The following HSPG2 variants were observed in gnomAD, a reference collection of about 807,000 sequenced individuals.
HSPG2 encodes the protein heparan sulfate proteoglycan 2.
A neutral mutation model predicts 526.6 loss-of-function variants in HSPG2; 278 were observed. The ratio of observed to expected loss-of-function variants is 0.53; its 90% CI spans 0.48 to 0.58. The LOEUF is 0.58. HSPG2 is among the 20% of genes least tolerant of loss of function. HSPG2 has a pLI of 0.00. For missense variants in HSPG2, 5,354 were observed against 6,099.5 expected (o/e 0.88, Z 4.07); for synonymous variants, 2,465 against 2,555.4 (o/e 0.96, Z 1.07).
At chr1:21,875,516 A>G in intron 25 of HSPG2, 113 bp downstream of exon 25, 6 of 826,826 alleles carry the variant, frequency 7.3e-6, no homozygotes, top group Non-Finnish European at 1.2e-5. Context: ...ACAGACAGGG[A>G]AAGTGAGGCA....
At chr1:21,923,830 T>C (rs996474386) in intron 1 of HSPG2, among the ~76,000 whole-genome samples, 12 of 152,232 alleles carry the variant, frequency 7.9e-5, no homozygotes, top group Admixed American at 2.0e-4. Flanking sequence ...CGCATACCGC[T>C]GTCACTCCGA....
intron 63 of HSPG2, 59 bp downstream of exon 63, chr1:21,846,389 A>C: frequency 6.2e-7 from 1 of 1,611,792 alleles, no homozygotes; most frequent in Non-Finnish European, 8.5e-7. Flanking sequence ...CCTCTTGGCA[A>C]AGCTAGCCAG....
chr1:21,878,074 G>A, intron 21 of HSPG2, 112 bp downstream of exon 21: 1 of 1,004,600 alleles, frequency 1.0e-6, no homozygotes, highest in African/African-American at 1.6e-5. Flanking sequence ...CTCTGACTGG[G>A]TTACCACCCA....
intron 1 of HSPG2, among the ~76,000 whole-genome samples, chr1:21,897,012 C>T (rs531548659): frequency 6.6e-6 from 1 of 152,254 alleles, no homozygotes; most frequent in African/African-American, 2.4e-5. Flanking sequence ...AGGCTGCTGC[C>T]GAGCCCAGGA....
At chr1:21,908,571 C>A in intron 1 of HSPG2, 1 of 751,452 alleles carries the variant, frequency 1.3e-6, no homozygotes, top group Non-Finnish European at 2.4e-6. Context: ...TCTATGAATT[C>A]ACGGCATAAT....
At position 21,824,041 on chromosome 1, in the gene HSPG2, C is replaced by T; in HGVS notation, c.12899+80G>A. On this transcript the variant is annotated intron_variant, in intron 95 of 96. Coordinates refer to ENST00000374695, the MANE Select transcript of HSPG2 (RefSeq NM_005529.7). The surrounding 1 kb of genome is among the most constrained non-coding windows in gnomAD (Gnocchi z 5.9). ...TGTCTCCACAGAGCTCAATACCTGC[C>T]TCTCTGCCCATGGTAGGGGGCGTCC... 5 of 1,312,838 alleles carry T rather than the reference C, an allele frequency of 3.8e-6. No individual in the cohort carries two copies. The highest frequency in any genetic ancestry group is 5.4e-6 in the Non-Finnish European group (5 of 926,434). The allele number at this position is 1,312,838 out of a possible 1,614,324, so 81.3% of individuals were successfully genotyped here.
chr1:21,859,872 C>T lies in HSPG2; in HGVS notation c.5145G>A (p.Gly1715=). ...GCTGGGTGCCGCTGGGCACAGGCCG[C>T]CCATCCTCACGGGACCAATAGAAGT... ...PHYFYWSRED[G]RPVPSGTQQR... is the part of the protein sequence containing the mutation. Residue 1715 remains glycine, a synonymous_variant, in exon 41 of 97, where the codon GGG becomes GGA. Transcript: ENST00000374695. The surrounding 1 kb of genome is among the most constrained non-coding windows in gnomAD (Gnocchi z 5.3). 6.2e-7 allele frequency: 1 copy of T among 1,611,378 alleles called. No homozygotes were observed.
At chr1:21,897,617 G>C (rs1449059202) in intron 1 of HSPG2, among the ~76,000 whole-genome samples, 1 of 152,190 alleles carries the variant, frequency 6.6e-6, no homozygotes, top group Non-Finnish European at 1.5e-5. Context: ...TCAAACCACT[G>C]ATTGATAGGT....
chr1:21,885,562 G>T, intron 9 of HSPG2, 111 bp from the exon 10 acceptor site: 1 of 1,253,714 alleles, frequency 8.0e-7, no homozygotes, highest in Non-Finnish European at 1.1e-6. Flanking sequence ...CCCTCGCCAT[G>T]CCTAGCCCCT....
chr1:21,934,946 A>T (rs1470317092), intron 1 of HSPG2, among the ~76,000 whole-genome samples: 2 of 127,894 alleles, frequency 1.6e-5, no homozygotes, highest in East Asian at 4.8e-4. Flanking sequence ...TCACTCTGTC[A>T]CCCAGGCTGG....
chr1:21,889,942 G>A (rs1446167286), intron 6 of HSPG2, 39 bp downstream of exon 6: 1 of 1,612,374 alleles, frequency 6.2e-7, no homozygotes, highest in Admixed American at 1.7e-5. Flanking sequence ...GACCCCACGA[G>A]TCTGGAGGAG....
chr1:21,837,866 TG>T (rs1199145139), intron 74 of HSPG2, among the ~76,000 whole-genome samples: 2 of 152,110 alleles, frequency 1.3e-5, no homozygotes, highest in African/African-American at 4.8e-5. Context: ...ACGAGTGCAG[TG>T]GCTCACGCCG....
At chr1:21,920,396 C>T (rs895278662) in intron 1 of HSPG2, among the ~76,000 whole-genome samples, 3 of 152,202 alleles carry the variant, frequency 2.0e-5, no homozygotes, top group Non-Finnish European at 4.4e-5. Context: ...GCTGAAGACA[C>T]CCCAGCTCTG....
At chr1:21,846,638 T>C in intron 62 of HSPG2, 39 bp from the exon 63 acceptor site, 1 of 1,612,674 alleles carries the variant, frequency 6.2e-7, no homozygotes, top group Non-Finnish European at 8.5e-7. Flanking sequence ...ACAGCCGTTG[T>C]CAGATTTGGG....
At chr1:21,900,250 G>A (rs1643021180) in intron 1 of HSPG2, among the ~76,000 whole-genome samples, 1 of 152,218 alleles carries the variant, frequency 6.6e-6, no homozygotes, top group Non-Finnish European at 1.5e-5. Flanking sequence ...GCAGTTCCTG[G>A]TTTGGCGGTG....
In HSPG2 at chr1:21,848,411, G is replaced by A. The variant is rs937816832; in HGVS notation, c.7737+232C>T. Reference sequence around the variant, plus strand: ...TCTGGAATCTTCAGTGTCAGGCACAGGACATGGCCCGGAGCAGCTTTTCAG... The same window carrying A: ...TCTGGAATCTTCAGTGTCAGGCACAAGACATGGCCCGGAGCAGCTTTTCAG... On this transcript the variant is annotated intron_variant, in intron 59 of 96. Coordinates refer to ENST00000374695, the MANE Select transcript of HSPG2 (RefSeq NM_005529.7). This position sits in a 1 kb window ranked among gnomAD's most constrained non-coding sequence, Gnocchi z 4.9. 5.3e-5 allele frequency among the ~76,000 whole-genome samples: 8 copies of A among 152,208 alleles called. No individual in the cohort carries two copies. Among genetic ancestry groups the A allele is most frequent in the African/African-American group, 1.7e-4 (7 of 41,458 alleles).
chr1:21,877,624 A>C (rs1641184025), intron 21 of HSPG2: 1 of 155,000 alleles, frequency 6.5e-6, no homozygotes, highest in Non-Finnish European at 1.4e-5. Flanking sequence ...CAGCCTCCTG[A>C]GTAGCTGGGA....
chr1:21,854,233 A>G lies in HSPG2; in HGVS notation c.6399T>C (p.Ser2133=). 2 of 1,597,068 alleles carry G rather than the reference A, an allele frequency of 1.3e-6. No individual in the cohort carries two copies. Among genetic ancestry groups the G allele is most frequent in the Non-Finnish European group, 1.7e-6 (2 of 1,171,518 alleles). Residue 2133 remains serine (S), a synonymous_variant, in exon 50 of 97, where the codon TCT becomes TCC. Transcript: ENST00000374695. ...SGPKEASITV[S]VLHGTHSGPS... Reference sequence around the variant, plus strand: ...GGCCAGAATGGGTGCCGTGGAGCACAGACACAGTAATGGAGGCCTCCTTGG... The same window carrying G: ...GGCCAGAATGGGTGCCGTGGAGCACGGACACAGTAATGGAGGCCTCCTTGG...
rs777435274 is a variant in HSPG2 at position 21,847,519 on chromosome 1, G to A, written c.8026-27C>T. The A allele has an allele frequency of 1.1e-5, 18 of 1,613,358 alleles. No homozygotes were observed. The South Asian group carries it at 1.8e-4, about 16-fold the overall frequency. On this transcript the variant is annotated intron_variant, in intron 61 of 96. Coordinates refer to ENST00000374695, the MANE Select transcript of HSPG2 (RefSeq NM_005529.7). This position sits in a 1 kb window ranked among gnomAD's most constrained non-coding sequence, Gnocchi z 4.1. The stretch of plus-strand genomic sequence containing the variant: ...TGGACGTGCGGATGGGGAAGGAGAG[G>A]GAGAGGGAGTGGAGGGACGCTGGGG...
Sources: gnomAD v4.1 joint callset for allele counts (sites outside exome capture counted in the v4.1 genomes callset) on GRCh38, gnomAD v4.1.1 for gene constraint, Gnocchi (gnomAD v3.1) non-coding constraint, MANE v1.5 for transcripts, NCBI Gene and HGNC (gene_info 2026-07-23, HGNC 2026-07-21) for gene names.